FOXP2: variants seen among roughly 807,000 people sequenced by gnomAD.
FOXP2 encodes the protein forkhead box protein P2.
A neutral mutation model predicts 115.8 loss-of-function variants in FOXP2; 12 were observed. The ratio of observed to expected loss-of-function variants is 0.10; its 90% CI spans 0.07 to 0.17. FOXP2 has a LOEUF of 0.17. Among genes scored for constraint, FOXP2 ranks in the 10% least tolerant of loss-of-function variants. The pLI is 1.00. For missense variants in FOXP2, 629 were observed against 843.5 expected, an observed-to-expected ratio of 0.75 and a Z score of 3.15; for synonymous variants, 328 against 297.7, an observed-to-expected ratio of 1.10 and a Z score of -1.05.
intron 2 of FOXP2, chr7:114,499,103 A>G (rs1797451133): frequency 1.8e-6 from 1 of 549,904 alleles, no homozygotes; most frequent in Admixed American, 3.2e-5. Flanking sequence ...GGTAATTCTG[A>G]TGCATGCTCA....
chr7:114,316,397 A>G (rs1192644270), intron 2 of FOXP2, among the ~76,000 whole-genome samples: 1 of 152,218 alleles, frequency 6.6e-6, no homozygotes, highest in Non-Finnish European at 1.5e-5. Context: ...TGTGAAAGGC[A>G]CTGTTGTCAG....
In FOXP2 at chr7:114,094,892, A is replaced by AAC. The variant is rs377494500; in HGVS notation, c.-247+7055_-247+7056dup. ...CCAGGTTGGGAAAAAAAACCCACAAAACTATTAACTCACACCTACTCCCAT... is the reference window on the plus strand; with the variant it reads ...CCAGGTTGGGAAAAAAAACCCACAAAACACTATTAACTCACACCTACTCCCAT... On this transcript the variant is annotated intron_variant, in intron 1 of 19. Transcript: ENST00000635638. Among the ~76,000 whole-genome samples, 363 of 152,156 alleles carry AAC rather than the reference A, an allele frequency of 2.4e-3. 2 individuals carry two copies. Among genetic ancestry groups the AAC allele is most frequent in the African/African-American group, 8.4e-3 (347 of 41,510 alleles).
At chr7:114,646,479 T>A (rs1805902966) in intron 8 of FOXP2, among the ~76,000 whole-genome samples, 1 of 152,044 alleles carries the variant, frequency 6.6e-6, no homozygotes, top group African/African-American at 2.4e-5. Context: ...CAGTGTTTTT[T>A]AAAAAACCAA....
intron 2 of FOXP2, among the ~76,000 whole-genome samples, chr7:114,395,880 A>G (rs1439881522): frequency 6.6e-6 from 1 of 151,922 alleles, no homozygotes; most frequent in Non-Finnish European, 1.5e-5. Flanking sequence ...TTTTTTTAAA[A>G]AAATTTTTTC....
chr7:114,387,214 T>G (rs1852470), intron 2 of FOXP2, among the ~76,000 whole-genome samples: 71,087 of 152,108 alleles, frequency 0.47, 19,465 homozygotes, highest in East Asian at 0.95. Context: ...TATTGTTCAC[T>G]TGGATTTTGA....
At chr7:114,558,770 C>A (rs77332508) in intron 3 of FOXP2, among the ~76,000 whole-genome samples, 19 of 152,222 alleles carry the variant, frequency 1.2e-4, no homozygotes, top group African/African-American at 4.6e-4. Flanking sequence ...CCAGTGCATA[C>A]GTCTGTCATA....
At chr7:114,205,572 G>A (rs1427518145) in intron 1 of FOXP2, among the ~76,000 whole-genome samples, 2 of 152,126 alleles carry the variant, frequency 1.3e-5, no homozygotes, top group African/African-American at 4.8e-5. Context: ...GTTTTAGTAA[G>A]TCAGGTCATA....
At chr7:114,497,380 G>A (rs1482934777) in intron 2 of FOXP2, among the ~76,000 whole-genome samples, 1 of 152,168 alleles carries the variant, frequency 6.6e-6, no homozygotes, top group Non-Finnish European at 1.5e-5. Flanking sequence ...AGGCATGCTG[G>A]CTCACGCTTG....
chr7:114,173,107 T>G (rs111869773), intron 1 of FOXP2, among the ~76,000 whole-genome samples: 3 of 151,982 alleles, frequency 2.0e-5, no homozygotes, highest in African/African-American at 7.2e-5. Context: ...GCCACTCATC[T>G]TTATTGAATT....
intron 1 of FOXP2, among the ~76,000 whole-genome samples, chr7:114,174,834 A>C (rs1360278423): frequency 6.6e-6 from 1 of 152,112 alleles, no homozygotes; most frequent in Admixed American, 6.5e-5. Context: ...TCTTTGTAGA[A>C]TAGTAATTCA....
chr7:114,160,130 G>A (rs539193928), upstream of FOXP2, among the ~76,000 whole-genome samples: 1 of 152,168 alleles, frequency 6.6e-6, no homozygotes, highest in African/African-American at 2.4e-5. Context: ...GCACAGAAAG[G>A]TGAGGGAAAA....
At chr7:114,621,421 C>G (rs1202893207) in intron 3 of FOXP2, among the ~76,000 whole-genome samples, 1 of 152,040 alleles carries the variant, frequency 6.6e-6, no homozygotes, top group African/African-American at 2.4e-5. Context: ...GCAACGGAAT[C>G]TTAAGCAACT....
chr7:114,279,767 A>T (rs1028143204), intron 1 of FOXP2, among the ~76,000 whole-genome samples: 18 of 133,826 alleles, frequency 1.3e-4, no homozygotes, highest in Non-Finnish European at 1.7e-4. Context: ...ATATTAGTTT[A>T]AAAAAAAAAA....
intron 3 of FOXP2, among the ~76,000 whole-genome samples, chr7:114,599,416 A>G (rs1168712586): frequency 4.6e-5 from 7 of 152,132 alleles, no homozygotes; most frequent in African/African-American, 1.7e-4. Flanking sequence ...GAAGAATAGT[A>G]TTGCTTCTTT....
chr7:114,319,759 A>G (rs1225568511), intron 2 of FOXP2, among the ~76,000 whole-genome samples: 1 of 152,170 alleles, frequency 6.6e-6, no homozygotes, highest in East Asian at 1.9e-4. Context: ...ACCAAAATAT[A>G]TGGTCATTTT....
At chr7:114,681,222 G>T (rs1808068190) in intron 16 of FOXP2, among the ~76,000 whole-genome samples, 1 of 152,074 alleles carries the variant, frequency 6.6e-6, no homozygotes, top group Admixed American at 6.6e-5. Flanking sequence ...AGGAGATAAT[G>T]TTAATATGTT....
intron 16 of FOXP2, among the ~76,000 whole-genome samples, chr7:114,683,513 C>A (rs17137182): frequency 0.02 from 2,972 of 152,168 alleles, 77 homozygotes; most frequent in African/African-American, 0.06. Context: ...TTACATTAGA[C>A]CCAGTTTTAG....
chr7:114,559,678 C>A (rs1311135452), intron 3 of FOXP2, among the ~76,000 whole-genome samples: 1 of 151,906 alleles, frequency 6.6e-6, no homozygotes, highest in Non-Finnish European at 1.5e-5. Context: ...GTCAGGAGAT[C>A]GAGACCATAC....
At chr7:114,614,066 T>C (rs1314093892) in intron 3 of FOXP2, among the ~76,000 whole-genome samples, 1 of 152,240 alleles carries the variant, frequency 6.6e-6, no homozygotes, top group Non-Finnish European at 1.5e-5. Flanking sequence ...AGATGGAATA[T>C]GTATAACTGA....
Sources: gnomAD v4.1 joint callset for allele counts (sites outside exome capture counted in the v4.1 genomes callset) on GRCh38, gnomAD v4.1.1 for gene constraint, MANE v1.5 for transcripts, NCBI Gene and HGNC (gene_info 2026-07-23, HGNC 2026-07-21) for gene names.